ADGRV1: variants seen among roughly 807,000 people sequenced by gnomAD.
ADGRV1 encodes the protein adhesion G protein-coupled receptor V1, also known as G-protein coupled receptor 98.
A neutral mutation model predicts 596.2 loss-of-function variants in ADGRV1; 359 were observed. The ratio of observed to expected loss-of-function variants is 0.60; its 90% confidence interval spans 0.55 to 0.66. ADGRV1 has a LOEUF of 0.66. Ranked by LOEUF, ADGRV1 falls within the 30% of genes least tolerant of loss-of-function variation. The pLI is 0.00. For missense variants in ADGRV1, 7,274 were observed against 7,575.6 expected, an observed-to-expected ratio of 0.96 and a Z score of 1.48; for synonymous variants, 2,681 against 2,679.2, an observed-to-expected ratio of 1.00 and a Z score of -0.02.
chr5:90,682,712 G>C (rs909453141), intron 27 of ADGRV1, among the ~76,000 whole-genome samples: 1 of 152,078 alleles, frequency 6.6e-6, no homozygotes, highest in Non-Finnish European at 1.5e-5. Context: ...TTAAGGGAAA[G>C]GATCAACTTT....
At chr5:90,901,676 C>A (rs763570355) in intron 83 of ADGRV1, among the ~76,000 whole-genome samples, 1 of 152,050 alleles carries the variant, frequency 6.6e-6, no homozygotes, top group Non-Finnish European at 1.5e-5. Context: ...CATAGTATGA[C>A]TGTGACATAT....
chr5:91,156,392 G>A (rs1462190769), intron 89 of ADGRV1, among the ~76,000 whole-genome samples: 1 of 152,058 alleles, frequency 6.6e-6, no homozygotes, highest in East Asian at 1.9e-4. Context: ...AGAGGAAGGA[G>A]TTTCAGGAAG....
intron 85 of ADGRV1, among the ~76,000 whole-genome samples, chr5:91,066,892 C>A (rs888582806): frequency 6.6e-6 from 1 of 152,174 alleles, no homozygotes; most frequent in East Asian, 1.9e-4. Flanking sequence ...GAGCTGCCAA[C>A]GAGAACAGGC....
In ADGRV1 at chr5:90,647,586, G is replaced by T; in HGVS notation, c.3111G>T (p.Gln1037His). The T allele has an allele frequency of 6.2e-7, 1 of 1,613,966 alleles. No homozygotes were observed. Residue 1037 changes from glutamine to histidine, a missense_variant, in exon 17 of 90, where the codon CAG becomes CAT. By Grantham distance (24) the Gln-to-His change is conservative. Around this residue, in one of 5 missense-constraint regions of ADGRV1, gnomAD observed 1,715 missense variants for 1,708.8 expected, o/e 1.00. Coordinates refer to ENST00000405460, the MANE Select transcript of ADGRV1 (RefSeq NM_032119.4). ...CTGTTGATGTGACTTGCATGGTCCA[G>T]TATGCTACCAAGGATGGGAAGGCTA... is the stretch of plus-strand genomic sequence containing the variant. ...NGSVDVTCMV[Q>H]YATKDGKATA...
At chr5:90,595,787 G>T (rs1580388680) in intron 1 of ADGRV1, among the ~76,000 whole-genome samples, 5 of 140,712 alleles carry the variant, frequency 3.6e-5, no homozygotes, top group South Asian at 2.3e-4. Context: ...CCGGGCGGGA[G>T]GCTGACCCCC....
At chr5:90,965,571 T>C (rs749167437) in intron 84 of ADGRV1, 40 bp downstream of exon 84, 12 of 1,192,802 alleles carry the variant, frequency 1.0e-5, no homozygotes, top group Non-Finnish European at 1.4e-5. Context: ...TTTAATCTTT[T>C]AATGAATCTG....
chr5:91,060,947 A>C (rs1199996810), intron 85 of ADGRV1, among the ~76,000 whole-genome samples: 1 of 152,218 alleles, frequency 6.6e-6, no homozygotes, highest in East Asian at 1.9e-4. Context: ...CATTGCTGTG[A>C]GGATTTTTTT....
chr5:90,909,890 T>A (rs1275695895), intron 83 of ADGRV1, among the ~76,000 whole-genome samples: 1 of 152,170 alleles, frequency 6.6e-6, no homozygotes, highest in African/African-American at 2.4e-5. Context: ...AAACCAAACA[T>A]TTAAAATATA....
At position 90,721,027 on chromosome 5, in the gene ADGRV1, G is replaced by A; in HGVS notation, c.9716G>A (p.Trp3239Ter). 2 of 1,612,374 alleles carry A rather than the reference G, an allele frequency of 1.2e-6. No homozygotes were observed. Among genetic ancestry groups the A allele is most frequent in the South Asian group, 2.2e-5 (2 of 90,970 alleles). The change falls in exon 45 of 90, where the codon TGG becomes TAG. Residue 3239 changes from tryptophan to a stop codon, truncating the protein, a stop_gained. Coordinates refer to ENST00000405460, the MANE Select transcript of ADGRV1 (RefSeq NM_032119.4). LOFTEE classifies it high-confidence loss of function. ...ATTGATTTGGCTGTGAGTGTGCAGT[G>A]GGAGACAGTATCTGAAACAGCCTTT... ...NGIDLAVSVQ[W>*]ETVSETAFGM... is the part of the protein sequence containing the mutation.
chr5:90,762,010 T>C (rs1253062062), intron 58 of ADGRV1, among the ~76,000 whole-genome samples: 1 of 152,182 alleles, frequency 6.6e-6, no homozygotes, highest in African/African-American at 2.4e-5. Flanking sequence ...GATTCACAGC[T>C]GAGGTACATT....
intron 86 of ADGRV1, among the ~76,000 whole-genome samples, chr5:91,076,024 T>A (rs1788828397): frequency 6.6e-6 from 1 of 152,178 alleles, no homozygotes; most frequent in South Asian, 2.1e-4. Flanking sequence ...GCTCAATAAG[T>A]GATATGGGAA....
At position 90,643,983 on chromosome 5, in the gene ADGRV1, G is replaced by T; in HGVS notation, c.2734G>T (p.Ala912Ser). 6.4e-7 allele frequency: 1 copy of T among 1,565,486 alleles called. No individual in the cohort carries two copies. The highest frequency in any genetic ancestry group is 8.7e-7 in the Non-Finnish European group (1 of 1,148,002). The change falls in exon 14 of 90, where the codon GCT becomes TCT. Residue 912 changes from alanine to serine, a missense_variant and splice_region_variant. Around this residue, in one of 5 missense-constraint regions of ADGRV1, gnomAD observed 1,715 missense variants for 1,708.8 expected, o/e 1.00. Coordinates refer to ENST00000405460, the MANE Select transcript of ADGRV1 (RefSeq NM_032119.4). Reference sequence around the variant, plus strand: ...AAGCAAAGGAGATGCTATCTATAGTGGTAATTTATTCTGTGTCTTATATTG... The same window carrying T: ...AAGCAAAGGAGATGCTATCTATAGTTGTAATTTATTCTGTGTCTTATATTG... ...NESKGDAIYSAVYDVVRNRGN... is the reference protein window; with the variant it reads ...NESKGDAIYSSVYDVVRNRGN...
chr5:90,868,888 A>G (rs985467896), intron 83 of ADGRV1, among the ~76,000 whole-genome samples: 5 of 152,264 alleles, frequency 3.3e-5, no homozygotes, highest in African/African-American at 1.2e-4. Context: ...ACCATTCAAC[A>G]TTCAATTGTG....
intron 82 of ADGRV1, among the ~76,000 whole-genome samples, chr5:90,861,885 T>G (rs1767614324): frequency 6.6e-6 from 1 of 152,178 alleles, no homozygotes; most frequent in Non-Finnish European, 1.5e-5. Flanking sequence ...TGAGTTTCCC[T>G]AGACTAGGAC....
intron 85 of ADGRV1, chr5:91,031,181 G>C (rs1239547338): frequency 6.8e-7 from 1 of 1,472,180 alleles, no homozygotes; most frequent in African/African-American, 1.4e-5. Flanking sequence ...AACCAAAAAG[G>C]CAAGAAGAGT....
chr5:90,716,551 C>T lies in ADGRV1; in HGVS notation c.9269C>T (p.Thr3090Ile), dbSNP rs565100245. The T allele has an allele frequency of 1.4e-5, 23 of 1,612,554 alleles. No individual in the cohort carries two copies. The East Asian group carries it at 4.7e-4, about 33-fold the overall frequency. The change falls in exon 43 of 90, where the codon ACA becomes ATA. Residue 3090 changes from threonine to isoleucine, a missense_variant. Thr to Ile is a moderately conservative substitution (Grantham distance 89). Coordinates refer to ENST00000405460, the MANE Select transcript of ADGRV1 (RefSeq NM_032119.4). ...GAGCACTTTTTCCTAAGAGAGCCAA[C>T]AGCTCTCTACGTCCAGGAGAGTGTT... is the stretch of plus-strand genomic sequence containing the variant. ...NSEHFFLREP[T>I]ALYVQESVAV...
intron 35 of ADGRV1, 70 bp from the exon 36 acceptor site, chr5:90,704,319 T>A: frequency 1.1e-6 from 1 of 932,550 alleles, no homozygotes; most frequent in Non-Finnish European, 1.6e-6. Flanking sequence ...ATAAGGTGAA[T>A]AAAAATAAAG....
At chr5:90,831,223 C>T (rs1581255854) in intron 77 of ADGRV1, among the ~76,000 whole-genome samples, 1 of 150,974 alleles carries the variant, frequency 6.6e-6, no homozygotes, top group South Asian at 2.1e-4. Flanking sequence ...ATAAATCTCT[C>T]TCTCTCTCTC....
chr5:91,082,948 G>A (rs1789533432), intron 86 of ADGRV1, among the ~76,000 whole-genome samples: 1 of 152,018 alleles, frequency 6.6e-6, no homozygotes, highest in Non-Finnish European at 1.5e-5. Flanking sequence ...ACAATCCTTT[G>A]TATGATCATA....
Sources: gnomAD v4.1 joint callset for allele counts (sites outside exome capture counted in the v4.1 genomes callset) on GRCh38, gnomAD v4.1.1 for gene constraint, gnomAD v4.1.1 regional missense constraint, MANE v1.5 for transcripts, NCBI Gene and HGNC (gene_info 2026-07-23, HGNC 2026-07-21) for gene names.